IL20RA: variants seen among roughly 807,000 people sequenced by gnomAD.
The protein encoded by IL20RA is interleukin-20 receptor subunit alpha.
A neutral mutation model predicts 36.5 loss-of-function variants in IL20RA; 29 were observed. The ratio of observed to expected loss-of-function variants is 0.79; its 90% CI spans 0.59 to 1.08. The LOEUF is 1.08. Ranked by LOEUF, IL20RA falls within the 50% of genes least tolerant of loss-of-function variation. The pLI, the probability that IL20RA is intolerant of heterozygous loss-of-function variation, is 0.00. For synonymous variants in IL20RA, 279 were observed against 267.1 expected (o/e 1.04, Z -0.43); for missense variants, 652 against 668.4 (o/e 0.98, Z 0.27).
intron 1 of IL20RA, among the ~76,000 whole-genome samples, chr6:137,035,427 C>T (rs1253229088): frequency 6.6e-6 from 1 of 152,188 alleles, no homozygotes; most frequent in East Asian, 1.9e-4. Flanking sequence ...GTGTCTTATC[C>T]TATGCTTCTA....
chr6:137,023,246 G>A (rs1775969448), intron 1 of IL20RA, among the ~76,000 whole-genome samples: 1 of 131,106 alleles, frequency 7.6e-6, no homozygotes, highest in Non-Finnish European at 1.7e-5. Flanking sequence ...AGGGCCTTAG[G>A]AGAGGGCAGT....
At chr6:137,011,238 T>A (rs770529273) in intron 3 of IL20RA, 36 bp downstream of exon 3, 25 of 1,515,068 alleles carry the variant, frequency 1.7e-5, no homozygotes, top group Non-Finnish European at 2.0e-5. Context: ...TATGAATACA[T>A]GTTTAACTGA....
chr6:137,029,102 C>T (rs1332086296), intron 1 of IL20RA, among the ~76,000 whole-genome samples: 1 of 152,142 alleles, frequency 6.6e-6, no homozygotes, highest in African/African-American at 2.4e-5. Context: ...GTGTAGCCTC[C>T]CATAATGACT....
intron 2 of IL20RA, among the ~76,000 whole-genome samples, chr6:137,016,701 G>T (rs1775698399): frequency 6.6e-6 from 1 of 152,070 alleles, no homozygotes. Context: ...TGTTTGCTCA[G>T]CCACCTAATA....
At chr6:137,007,664 G>A (rs1775325953) in intron 5 of IL20RA, among the ~76,000 whole-genome samples, 1 of 152,142 alleles carries the variant, frequency 6.6e-6, no homozygotes, top group African/African-American at 2.4e-5. Context: ...CATAGGAATG[G>A]GTATCTCCAA....
In IL20RA at chr6:137,030,750, T is replaced by C. The variant is rs12193149; in HGVS notation, c.89-13647A>G. ...TTGAGAAAGGCAGTGAAAATAATTT[T>C]GGTTTATTGATTAACCCCAAGAGTT... On this transcript the variant is annotated intron_variant, in intron 1 of 6. Transcript: ENST00000316649. 2.0e-5 allele frequency among the ~76,000 whole-genome samples: 3 copies of C among 152,280 alleles called. No individual in the cohort carries two copies. In the East Asian group the frequency reaches 5.8e-4, roughly 29 times the overall value.
Position 137,044,725 on chromosome 6 carries a change from G to T in IL20RA, c.4C>A (p.Arg2=). 3.3e-6 allele frequency: 4 copies of T among 1,218,200 alleles called. No homozygotes were observed. Among genetic ancestry groups the T allele is most frequent in the East Asian group, 6.6e-5 (2 of 30,308 alleles). 75.5% of individuals were successfully genotyped at this position (1,218,200 alleles called of 1,614,324 possible). The change falls in exon 1 of 7, where the codon CGG becomes AGG. Residue 2 remains arginine (R), a synonymous_variant. Coordinates refer to ENST00000316649, the MANE Select transcript of IL20RA (RefSeq NM_014432.4). The part of the protein sequence containing the change: M[R]APGRPALRPL... ...CGCAGGGCCGGGCGGCCGGGAGCCC[G>T]CATGGGCGGCGGGGCTGGGTCACAT...
intron 2 of IL20RA, among the ~76,000 whole-genome samples, chr6:137,016,240 C>T (rs898418146): frequency 4.6e-5 from 7 of 152,196 alleles, no homozygotes; most frequent in Admixed American, 1.3e-4. Flanking sequence ...TTCTGTGGCA[C>T]CCAGCTGGGG....
intron 1 of IL20RA, among the ~76,000 whole-genome samples, chr6:137,024,891 C>T (rs1582832004): frequency 6.6e-6 from 1 of 152,270 alleles, no homozygotes; most frequent in East Asian, 1.9e-4. Context: ...AAGCAGAACT[C>T]AGAAGACTGA....
At chr6:137,030,374 C>T (rs1776239211) in intron 1 of IL20RA, among the ~76,000 whole-genome samples, 1 of 152,110 alleles carries the variant, frequency 6.6e-6, no homozygotes. Context: ...GCATGAGCCA[C>T]CATGCTCGGC....
intron 1 of IL20RA, among the ~76,000 whole-genome samples, chr6:137,031,591 A>C (rs982328396): frequency 6.6e-6 from 1 of 152,194 alleles, no homozygotes; most frequent in African/African-American, 2.4e-5. Context: ...AGGCTATTTC[A>C]TTTAGGTTTG....
chr6:137,033,342 A>G (rs1776364794), intron 1 of IL20RA, among the ~76,000 whole-genome samples: 1 of 152,202 alleles, frequency 6.6e-6, no homozygotes, highest in African/African-American at 2.4e-5. Context: ...GAAATCTTAT[A>G]TAGTTTGGAT....
At position 137,028,091 on chromosome 6, in the gene IL20RA, T is replaced by C. The variant is rs544152204; in HGVS notation, c.89-10988A>G. ...CCTACTATGGGCTAGAAGTAGAATA[T>C]ATGATAGGCACGGGGGTACAGTTGA... On this transcript the variant is annotated intron_variant, in intron 1 of 6. Coordinates refer to ENST00000316649, the MANE Select transcript of IL20RA (RefSeq NM_014432.4). 2.0e-5 allele frequency among the ~76,000 whole-genome samples: 3 copies of C among 152,292 alleles called. No homozygotes were observed. In the South Asian group the frequency reaches 6.2e-4, roughly 32 times the overall value.
At chr6:137,022,921 G>T (rs1371267456) in intron 1 of IL20RA, among the ~76,000 whole-genome samples, 1 of 152,202 alleles carries the variant, frequency 6.6e-6, no homozygotes, top group Admixed American at 6.5e-5. Context: ...GTCTTCAGAA[G>T]GAGTGTGGTG....
chr6:137,020,340 C>G (rs1457678062), intron 1 of IL20RA, among the ~76,000 whole-genome samples: 1 of 152,112 alleles, frequency 6.6e-6, no homozygotes, highest in Non-Finnish European at 1.5e-5. Flanking sequence ...TTGGCTAAGC[C>G]CTTACTGGAA....
chr6:137,024,689 G>T (rs1226447571), intron 1 of IL20RA, among the ~76,000 whole-genome samples: 1 of 147,010 alleles, frequency 6.8e-6, no homozygotes, highest in African/African-American at 2.4e-5. Flanking sequence ...TTGCGTTTAG[G>T]TCCCTTCTGC....
intron 1 of IL20RA, among the ~76,000 whole-genome samples, chr6:137,037,566 T>G (rs1776532835): frequency 6.6e-6 from 1 of 152,168 alleles, no homozygotes; most frequent in Admixed American, 6.5e-5. Context: ...GAGGGCTCCT[T>G]TTAGACATCA....
chr6:137,002,038 C>A lies in IL20RA; in HGVS notation c.1182G>T (p.Pro394=). ...QQESLSRTIP[P]DKTVIEYEYD... Reference sequence around the variant, plus strand: ...ATTCATATTCAATGACTGTTTTATCCGGGGGTATTGTTCTGCTGAGGGACT... The same window carrying A: ...ATTCATATTCAATGACTGTTTTATCAGGGGGTATTGTTCTGCTGAGGGACT... Residue 394 remains proline (P), a synonymous_variant, in exon 7 of 7, where the codon CCG becomes CCT. Coordinates refer to ENST00000316649, the MANE Select transcript of IL20RA (RefSeq NM_014432.4). 1 of 1,614,082 alleles carries A rather than the reference C, an allele frequency of 6.2e-7. No homozygotes were observed. Among genetic ancestry groups the A allele is most frequent in the Non-Finnish European group, 8.5e-7 (1 of 1,180,004 alleles).
chr6:137,011,318 C>T lies in IL20RA; in HGVS notation c.359G>A (p.Cys120Tyr). 6.2e-7 allele frequency: 1 copy of T among 1,613,048 alleles called. No homozygotes were observed. The change falls in exon 3 of 7, where the codon TGT becomes TAT. Residue 120 changes from cysteine to tyrosine, a missense_variant. By Grantham distance (194) the Cys-to-Tyr change is radical. Coordinates refer to ENST00000316649, the MANE Select transcript of IL20RA (RefSeq NM_014432.4). ...AKVKAIWGTK[C>Y]SKWAESGRFY... ...CCGTCCACTTTCAGCCCATTTGGAA[C>T]ACTTTGTTCCCCAAATGGCCTTAAC...
Sources: allele counts gnomAD v4.1 joint callset (sites outside exome capture counted in the v4.1 genomes callset), GRCh38; gene constraint gnomAD v4.1.1; transcripts MANE v1.5; gene names NCBI Gene and HGNC (gene_info 2026-07-23, HGNC 2026-07-21).